Variants in MNAT1 observed in about 807,000 individuals in gnomAD.
MNAT1 encodes CDK-activating kinase assembly factor MAT1.
Under a neutral mutation model 42.0 loss-of-function variants are expected in MNAT1, and 43 were observed. That is an observed-to-expected ratio of 1.02 (90% CI 0.80 to 1.32). The LOEUF (loss-of-function observed/expected upper bound fraction) is 1.32, where lower values mean the gene tolerates loss of function less well. Ranked by LOEUF, MNAT1 falls within the 40% of genes most tolerant of loss-of-function variation. The pLI is 0.00. For synonymous variants in MNAT1, 118 were observed against 120.0 expected, an observed-to-expected ratio of 0.98 and a Z score of 0.11; for missense variants, 306 against 350.4, an observed-to-expected ratio of 0.87 and a Z score of 1.01.
chr14:60,882,866 G>T (rs2034581041), intron 7 of MNAT1, among the ~76,000 whole-genome samples: 1 of 152,010 alleles, frequency 6.6e-6, no homozygotes, highest in African/African-American at 2.4e-5. Flanking sequence ...ATGACTGTTT[G>T]CCATTTGTAT....
chr14:60,851,537 A>T (rs1003389609), intron 6 of MNAT1, among the ~76,000 whole-genome samples: 7 of 152,026 alleles, frequency 4.6e-5, no homozygotes, highest in Non-Finnish European at 1.0e-4. Context: ...ATTATTATTA[A>T]TATTTTTATT....
intron 1 of MNAT1, among the ~76,000 whole-genome samples, chr14:60,777,074 T>A (rs943652735): frequency 6.6e-6 from 1 of 152,182 alleles, no homozygotes; most frequent in African/African-American, 2.4e-5. Flanking sequence ...GGTATGGAAC[T>A]CCTGGGCTCA....
At chr14:60,792,096 G>C (rs1464036070) in intron 1 of MNAT1, among the ~76,000 whole-genome samples, 1 of 152,114 alleles carries the variant, frequency 6.6e-6, no homozygotes, top group African/African-American at 2.4e-5. Flanking sequence ...TTGGAACAAA[G>C]TCTATTTGTA....
At chr14:60,869,447 G>T (rs1002290323) in intron 6 of MNAT1, among the ~76,000 whole-genome samples, 3 of 151,904 alleles carry the variant, frequency 2.0e-5, no homozygotes, top group African/African-American at 7.3e-5. Flanking sequence ...ATGAGCATAG[G>T]GCCTTACACT....
At chr14:60,833,602 G>A (rs192625443) in intron 6 of MNAT1, among the ~76,000 whole-genome samples, 253 of 152,238 alleles carry the variant, frequency 1.7e-3, no homozygotes, top group Middle Eastern at 3.4e-3. Context: ...GAGAATTTTT[G>A]CATCAATGTT....
chr14:60,913,117 T>G (rs1294716790), intron 7 of MNAT1, among the ~76,000 whole-genome samples: 1 of 152,256 alleles, frequency 6.6e-6, no homozygotes, highest in Non-Finnish European at 1.5e-5. Context: ...GTTGATCGCA[T>G]CAGTTACTGA....
chr14:60,879,731 G>A lies in MNAT1; in HGVS notation c.705G>A (p.Leu235=), dbSNP rs188250258. The A allele has an allele frequency of 5.0e-6, 8 of 1,612,730 alleles. No homozygotes were observed. In the African/African-American group the frequency reaches 6.7e-5, roughly 13 times the overall value. Residue 235 remains leucine, a synonymous_variant, in exon 7 of 8, where the codon CTG becomes CTA. Transcript: ENST00000261245. The stretch of plus-strand genomic sequence containing the variant: ...TCTAACAGGGTCAACATATTTCACT[G>A]GCACCTATTCACAAGCTTGAAGAAG... ...TGIKMGQHIS[L]APIHKLEEAL...
intron 1 of MNAT1, among the ~76,000 whole-genome samples, chr14:60,768,984 A>G (rs1020893169): frequency 1.3e-5 from 2 of 152,220 alleles, no homozygotes; most frequent in Non-Finnish European, 2.9e-5. Context: ...TTTGCATACA[A>G]AAAGTGTATA....
chr14:60,795,948 CTCT>C (rs994985376), intron 1 of MNAT1, among the ~76,000 whole-genome samples: 3 of 152,166 alleles, frequency 2.0e-5, no homozygotes, highest in African/African-American at 7.2e-5. Context: ...CCCTATCCTG[CTCT>C]TCTTCCTAGT....
chr14:60,924,159 G>T (rs1363114550), intron 7 of MNAT1, among the ~76,000 whole-genome samples: 1 of 152,136 alleles, frequency 6.6e-6, no homozygotes, highest in Non-Finnish European at 1.5e-5. Flanking sequence ...TCTGAGACCA[G>T]TAGATGTTTG....
intron 6 of MNAT1, among the ~76,000 whole-genome samples, chr14:60,828,304 G>T (rs2033111538): frequency 6.6e-6 from 1 of 152,056 alleles, no homozygotes; most frequent in African/African-American, 2.4e-5. Context: ...AGGATGCCTG[G>T]CTCGTTGTAA....
chr14:60,820,767 T>C (rs76444214), intron 6 of MNAT1, among the ~76,000 whole-genome samples: 87 of 152,286 alleles, frequency 5.7e-4, no homozygotes, highest in East Asian at 5.6e-3. Flanking sequence ...TTGGGTGGTT[T>C]CCTAAATAAA....
intron 3 of MNAT1, among the ~76,000 whole-genome samples, chr14:60,799,967 G>A (rs965678473): frequency 1.2e-4 from 18 of 152,002 alleles, no homozygotes; most frequent in African/African-American, 4.3e-4. Context: ...TTGCAGTATC[G>A]GGAAACTCTC....
At chr14:60,779,998 G>T in intron 1 of MNAT1, 2 of 1,564,680 alleles carry the variant, frequency 1.3e-6, no homozygotes, top group Non-Finnish European at 1.8e-6. Context: ...AGCTCTCCCG[G>T]GAGCAGGGAA....
At chr14:60,845,124 T>C (rs1255512506) in intron 6 of MNAT1, among the ~76,000 whole-genome samples, 1 of 152,012 alleles carries the variant, frequency 6.6e-6, no homozygotes, top group African/African-American at 2.4e-5. Flanking sequence ...GCAATGGTTT[T>C]GTTAGCGTCA....
At chr14:60,830,552 A>G (rs1257414935) in intron 6 of MNAT1, among the ~76,000 whole-genome samples, 1 of 152,170 alleles carries the variant, frequency 6.6e-6, no homozygotes, top group Non-Finnish European at 1.5e-5. Flanking sequence ...CCATCTGCAA[A>G]TGCTCATGAC....
At chr14:60,891,551 A>G (rs1243173049) in intron 7 of MNAT1, among the ~76,000 whole-genome samples, 3 of 151,938 alleles carry the variant, frequency 2.0e-5, no homozygotes, top group African/African-American at 7.2e-5. Context: ...CCCATATTCA[A>G]GTGCTTCTCC....
chr14:60,901,411 C>T (rs965630027), intron 7 of MNAT1, among the ~76,000 whole-genome samples: 2 of 152,196 alleles, frequency 1.3e-5, no homozygotes, highest in Non-Finnish European at 2.9e-5. Context: ...AGCACAACAT[C>T]CATTCTAAAG....
At chr14:60,935,344 TTC>T (rs1296406005) in intron 7 of MNAT1, among the ~76,000 whole-genome samples, 2 of 141,264 alleles carry the variant, frequency 1.4e-5, no homozygotes, top group African/African-American at 5.1e-5. Flanking sequence ...CCTTCCTTTC[TTC>T]TTTCTCTCTT....
Sources: allele counts gnomAD v4.1 joint callset (sites outside exome capture counted in the v4.1 genomes callset), GRCh38; gene constraint gnomAD v4.1.1; transcripts MANE v1.5; gene names NCBI Gene and HGNC (gene_info 2026-07-23, HGNC 2026-07-21).